Variants in SYNE3 observed in about 807,000 individuals in gnomAD.
The protein encoded by SYNE3 is nesprin-3.
Under a neutral mutation model 111.2 loss-of-function variants are expected in SYNE3, and 100 were observed. The ratio of observed to expected loss-of-function variants is 0.90; its 90% confidence interval spans 0.77 to 1.06. The LOEUF is 1.06. Ranked by LOEUF, SYNE3 falls within the 50% of genes least tolerant of loss-of-function variation. The probability of loss-of-function intolerance (pLI) is 0.00; values close to 1 mark genes in which losing one functional copy is unlikely to be tolerated. For synonymous variants in SYNE3, 547 were observed against 533.9 expected (o/e 1.02, Z -0.34); for missense variants, 1,160 against 1,240.3 (o/e 0.94, Z 0.97).
intron 1 of SYNE3, among the ~76,000 whole-genome samples, chr14:95,495,924 C>T (rs1030402010): frequency 3.9e-5 from 6 of 152,192 alleles, no homozygotes; most frequent in Non-Finnish European, 8.8e-5. Context: ...GCTGGGCCTG[C>T]GAAGCCTTCC....
intron 1 of SYNE3, among the ~76,000 whole-genome samples, chr14:95,505,768 A>G (rs1566690813): frequency 6.6e-6 from 1 of 152,184 alleles, no homozygotes; most frequent in Non-Finnish European, 1.5e-5. Flanking sequence ...AACATAAACA[A>G]TGTTTAACTC....
chr14:95,444,780 G>A, intron 9 of SYNE3, 152 bp from the exon 10 acceptor site: 1 of 965,376 alleles, frequency 1.0e-6, no homozygotes, highest in Non-Finnish European at 1.5e-6. Context: ...CCTGAGCCCT[G>A]ATGGAGTTGG....
In SYNE3 at chr14:95,470,004, G is replaced by A. The variant is rs1888429036; in HGVS notation, c.145-2037C>T. Among the ~76,000 whole-genome samples the A allele has an allele frequency of 6.6e-6, 1 of 152,196 alleles. No homozygotes were observed. The highest frequency in any genetic ancestry group is 1.5e-5 in the Non-Finnish European group (1 of 68,044). ...TGTCTCTGTGTGCATGTGAGTGGGA[G>A]GTGCTCAGGGAGAGTGAAGAATGGG... On this transcript the variant is annotated intron_variant, in intron 2 of 17. Coordinates refer to ENST00000682763, the MANE Select transcript of SYNE3 (RefSeq NM_152592.6). The surrounding 1 kb of genome is among the most constrained non-coding windows in gnomAD (Gnocchi z 4.2).
chr14:95,505,642 T>G (rs1227793056), intron 1 of SYNE3, among the ~76,000 whole-genome samples: 1 of 141,714 alleles, frequency 7.1e-6, no homozygotes. Flanking sequence ...TTAAAAGAAG[T>G]TTTTTTTTTC....
intron 11 of SYNE3, 92 bp downstream of exon 11, chr14:95,443,063 G>GA: frequency 6.7e-7 from 1 of 1,488,680 alleles, no homozygotes; most frequent in Non-Finnish European, 9.1e-7. Context: ...TAGAAGGAAT[G>GA]AAGGCAGGAA....
At chr14:95,459,378 C>T (rs1001834735) in intron 4 of SYNE3, among the ~76,000 whole-genome samples, 3 of 151,944 alleles carry the variant, frequency 2.0e-5, no homozygotes, top group Admixed American at 6.5e-5. Context: ...CTAGGCAACA[C>T]GGTCAGACGT....
rs757746968 is a variant in SYNE3, at chr14:95,412,860, A to G, written c.*4966T>C. On this transcript the variant is annotated 3_prime_UTR_variant, in exon 18 of 18. Transcript: ENST00000682763. ...AGTTGGCAACTTTTTATTTTGTCCA[A>G]TGAGGGCTCCCAAAACACAATAGAA... is the stretch of plus-strand genomic sequence containing the variant. 4.6e-5 allele frequency: 7 copies of G among 152,198 alleles called. No individual in the cohort carries two copies. The highest frequency in any genetic ancestry group is 7.3e-5 in the Non-Finnish European group (5 of 68,042). The allele number at this position is 152,198 out of a possible 1,614,324, so 9.4% of individuals were successfully genotyped here. A position where few individuals can be genotyped will look rare whatever the true frequency, so the allele number is the denominator to read the frequency against.
intron 1 of SYNE3, among the ~76,000 whole-genome samples, chr14:95,487,966 T>C (rs1566684548): frequency 6.6e-6 from 1 of 152,046 alleles, no homozygotes; most frequent in South Asian, 2.1e-4. Context: ...ACGATAAGGA[T>C]GAAGAACTTT....
chr14:95,426,177 C>A (rs574183879), intron 17 of SYNE3, among the ~76,000 whole-genome samples: 3 of 152,320 alleles, frequency 2.0e-5, no homozygotes, highest in African/African-American at 7.2e-5. Context: ...AGTTTTAGCA[C>A]CAACTTGTTC....
chr14:95,469,021 G>C (rs865868166), intron 2 of SYNE3, among the ~76,000 whole-genome samples: 3 of 152,302 alleles, frequency 2.0e-5, no homozygotes, highest in African/African-American at 7.2e-5. Flanking sequence ...ATTAGGTAAT[G>C]TAGGGAGAGC....
chr14:95,498,015 A>T (rs1331018333), intron 1 of SYNE3, among the ~76,000 whole-genome samples: 1 of 150,014 alleles, frequency 6.7e-6, no homozygotes, highest in East Asian at 1.9e-4. Flanking sequence ...GTGACAGGAC[A>T]AGATCCCAAC....
At chr14:95,498,117 T>G (rs1251104392) in intron 1 of SYNE3, among the ~76,000 whole-genome samples, 29 of 152,154 alleles carry the variant, frequency 1.9e-4, no homozygotes, top group Admixed American at 1.9e-3. Context: ...AAAGTGGTAT[T>G]AACAATTTTT....
intron 1 of SYNE3, among the ~76,000 whole-genome samples, chr14:95,482,036 G>A (rs1222951715): frequency 6.6e-6 from 1 of 152,234 alleles, no homozygotes; most frequent in Non-Finnish European, 1.5e-5. Context: ...GCTGGGTGGG[G>A]CCCCTACTTG....
intron 1 of SYNE3, among the ~76,000 whole-genome samples, chr14:95,513,737 TTA>T (rs59944497): frequency 0.19 from 17,359 of 92,162 alleles, 1,570 homozygotes; most frequent in Middle Eastern, 0.28. Flanking sequence ...GCTGCTTAGA[TTA>T]TATATATATA....
In SYNE3 at chr14:95,437,103, G is replaced by A. The variant is rs1595188692; in HGVS notation, c.2377-122C>T. ...GACAAGATGCCCAAAATGGCGACGG[G>A]AGAGGCCTGGGGGATGAACAATGAA... is the stretch of plus-strand genomic sequence containing the variant. On this transcript the variant is annotated intron_variant, in intron 14 of 17. Transcript: ENST00000682763. The A allele has an allele frequency of 6.1e-6, 7 of 1,154,760 alleles. No homozygotes were observed. The East Asian group carries it at 7.3e-5, about 12-fold the overall frequency. The allele number at this position is 1,154,760 out of a possible 1,614,324, so 71.5% of individuals were successfully genotyped here.
In SYNE3 at chr14:95,417,979, A is replaced by C. The variant is rs1903638570; in HGVS notation, c.2775T>G (p.Cys925Trp). The part of the protein sequence containing the change: ...GLGSLFRRAC[C>W]VALPLQLLLL... The stretch of plus-strand genomic sequence containing the variant: ...GAAGCAGCTGCAGTGGGAGCGCCAC[A>C]CAGCACGCCCTCCGGAAGAGGGAGC... The change falls in exon 18 of 18, where the codon TGT (cysteine) becomes TGG (tryptophan). Residue 925 changes from cysteine to tryptophan, a missense_variant. By Grantham distance (215) the Cys-to-Trp change is radical. Transcript: ENST00000682763. 6.2e-7 allele frequency: 1 copy of C among 1,612,854 alleles called. No individual in the cohort carries two copies. Among genetic ancestry groups the C allele is most frequent in the Admixed American group, 1.7e-5 (1 of 60,016 alleles).
chr14:95,481,320 T>G (rs573249532), intron 1 of SYNE3, among the ~76,000 whole-genome samples: 5 of 152,096 alleles, frequency 3.3e-5, no homozygotes, highest in Non-Finnish European at 7.4e-5. Context: ...AGCAAGCCCG[T>G]GTGAGTCAAG....
In SYNE3 at chr14:95,439,807, GAC is replaced by G. The variant is rs762689608; in HGVS notation, c.2074-25_2074-24del. The G allele has an allele frequency of 5.0e-6, 8 of 1,603,084 alleles. No homozygotes were observed. The African/African-American group carries it at 8.0e-5, about 16-fold the overall frequency. On this transcript the variant is annotated intron_variant, in intron 12 of 17. Transcript: ENST00000682763. ...CCTCTAAAGGACACACGGACACACA[GAC>G]ACACACACGGTGAGGGTGGAGGGAG...
chr14:95,429,970 G>GGAAGGAAGGAAGGAAGGAAGGAAA (rs1885655377), intron 17 of SYNE3: 1 of 221,706 alleles, frequency 4.5e-6, no homozygotes, highest in African/African-American at 2.9e-5. Flanking sequence ...TCAGAACTAA[G>GGAAGGAAGGAAGGAAGGAAGGAAA]GAAGGAAGGA....
Sources: allele counts gnomAD v4.1 joint callset (sites outside exome capture counted in the v4.1 genomes callset), GRCh38; gene constraint gnomAD v4.1.1; non-coding constraint Gnocchi (gnomAD v3.1); transcripts MANE v1.5; gene names NCBI Gene and HGNC (gene_info 2026-07-23, HGNC 2026-07-21).